HACD1: variants seen among roughly 807,000 people sequenced by gnomAD.
HACD1 encodes 3-hydroxyacyl-CoA dehydratase 1, also known as very-long-chain (3R)-3-hydroxyacyl-CoA dehydratase 1.
A neutral mutation model predicts 32.0 loss-of-function variants in HACD1; 41 were observed. The observed-to-expected ratio is 1.28, with a 90% CI of 1.00 to 1.66. The LOEUF is 1.66. Ranked by LOEUF, HACD1 falls within the 40% of genes most tolerant of loss-of-function variation. HACD1 has a pLI of 0.00. For missense variants in HACD1, 396 were observed against 380.1 expected, an observed-to-expected ratio of 1.04 and a Z score of -0.35; for synonymous variants, 142 against 139.0, an observed-to-expected ratio of 1.02 and a Z score of -0.15.
At chr10:17,616,906 C>T (rs1833094560) in intron 1 of HACD1, among the ~76,000 whole-genome samples, 177 bp downstream of exon 1, 1 of 152,032 alleles carries the variant, frequency 6.6e-6, no homozygotes, top group African/African-American at 2.4e-5. Context: ...GCGCAGGGCC[C>T]GGCCCCCCCG....
chr10:17,603,261 C>T, intron 4 of HACD1: 1 of 240,866 alleles, frequency 4.2e-6, no homozygotes, highest in Non-Finnish European at 8.0e-6. Flanking sequence ...AAAGAAACTT[C>T]TATAGAAAAG....
intron 4 of HACD1, among the ~76,000 whole-genome samples, chr10:17,602,476 T>C (rs1448630763): frequency 6.6e-6 from 1 of 152,210 alleles, no homozygotes; most frequent in East Asian, 1.9e-4. Context: ...GTCTGTCTCC[T>C]GTCATGCCTC....
At position 17,599,191 on chromosome 10, in the gene HACD1, G is replaced by A. The variant is rs889443057; in HGVS notation, c.605+99C>T. The A allele has an allele frequency of 4.0e-5, 61 of 1,526,512 alleles. No individual in the cohort carries two copies. In the East Asian group the frequency reaches 1.3e-3, roughly 33 times the overall value. 94.6% of individuals were successfully genotyped at this position (1,526,512 alleles called of 1,614,324 possible). On this transcript the variant is annotated intron_variant, in intron 5 of 6. Transcript: ENST00000361271. ...TTATACCTCCTATAACAGCATTCTG[G>A]CATCGTGGGGCTGAAACACGAATTT...
At chr10:17,610,632 CAAA>C (rs67149491) in intron 1 of HACD1, among the ~76,000 whole-genome samples, 1 of 128,354 alleles carries the variant, frequency 7.8e-6, no homozygotes, top group African/African-American at 2.8e-5. Context: ...GACTCTGTCT[CAAA>C]AAAAAAAAAA....
intron 6 of HACD1, among the ~76,000 whole-genome samples, 171 bp downstream of exon 6, chr10:17,594,034 C>T (rs1369978368): frequency 6.6e-6 from 1 of 152,142 alleles, no homozygotes; most frequent in Admixed American, 6.5e-5. Context: ...CTGTCTTCTG[C>T]CTCTATCTCC....
At chr10:17,595,838 G>A (rs1833988944) in intron 5 of HACD1, among the ~76,000 whole-genome samples, 1 of 151,900 alleles carries the variant, frequency 6.6e-6, no homozygotes, top group Admixed American at 6.6e-5. Context: ...AAAATTTAAT[G>A]AGCAGACCAC....
intron 1 of HACD1, among the ~76,000 whole-genome samples, chr10:17,614,314 A>G (rs1833037329): frequency 6.6e-6 from 1 of 152,208 alleles, no homozygotes; most frequent in East Asian, 1.9e-4. Context: ...GACAGAGTGC[A>G]GACTGGAGTG....
At chr10:17,597,755 A>G (rs1230813919) in intron 5 of HACD1, among the ~76,000 whole-genome samples, 19 of 152,126 alleles carry the variant, frequency 1.2e-4, no homozygotes, top group Admixed American at 1.2e-3. Flanking sequence ...CAAAACTGCC[A>G]ACCTTTAAAA....
At chr10:17,616,243 A>G (rs56243376) in intron 1 of HACD1, among the ~76,000 whole-genome samples, 109,202 of 151,332 alleles carry the variant, frequency 0.72, 39,769 homozygotes, top group African/African-American at 0.79. Flanking sequence ...CACTCCAGCC[A>G]AGACCGAGCG....
Position 17,617,151 on chromosome 10 carries a change from G to C in HACD1, c.189C>G (p.Gly63=), listed in dbSNP as rs1554818210. The C allele has an allele frequency of 6.6e-7, 1 of 1,505,754 alleles. No homozygotes were observed. The highest frequency in any genetic ancestry group is 2.1e-5 in the Admixed American group (1 of 47,470). The allele number at this position is 1,505,754 out of a possible 1,614,324, so 93.3% of individuals were successfully genotyped here. Residue 63 remains glycine, a synonymous_variant, in exon 1 of 7, where the codon GGC becomes GGG. Transcript: ENST00000361271. The stretch of plus-strand genomic sequence containing the variant: ...CCAAGACCCCCAGGCGCCTCCGCTC[G>C]CCGGGAGCCTCCCGGTCCTCGCCGG... ...SEAGEDREAP[G]ERRRLGVLAT...
chr10:17,598,311 T>A (rs1834023014), intron 5 of HACD1, among the ~76,000 whole-genome samples: 1 of 147,980 alleles, frequency 6.8e-6, no homozygotes, highest in African/African-American at 2.5e-5. Context: ...CAATTAACAG[T>A]GGTTATCCTT....
Position 17,617,262 on chromosome 10 carries a change from G to T in HACD1, c.78C>A (p.Leu26=). The T allele has an allele frequency of 6.8e-7, 1 of 1,474,480 alleles. No individual in the cohort carries two copies. Among genetic ancestry groups the T allele is most frequent in the African/African-American group, 1.5e-5 (1 of 68,226 alleles). 91.3% of individuals were successfully genotyped at this position (1,474,480 alleles called of 1,614,324 possible). ...TGGGGGACGTGGGAGACAGCGGCAG[G>T]AGCGTGGGAGGGGACCCTGCCCAGC... The part of the protein sequence containing the change: ...AAGWAGSPPT[L]LPLSPTSPRC... Residue 26 remains leucine, a synonymous_variant, in exon 1 of 7, where the codon CTC becomes CTA. Coordinates refer to ENST00000361271, the MANE Select transcript of HACD1 (RefSeq NM_014241.4).
intron 1 of HACD1, among the ~76,000 whole-genome samples, chr10:17,615,193 G>A (rs1042409748): frequency 6.6e-6 from 1 of 152,222 alleles, no homozygotes; most frequent in South Asian, 2.1e-4. Flanking sequence ...TATAATTTAG[G>A]AGGAAAGAAA....
chr10:17,599,106 C>G, intron 5 of HACD1, 184 bp downstream of exon 5: 5 of 1,086,962 alleles, frequency 4.6e-6, no homozygotes, highest in African/African-American at 1.6e-5. Flanking sequence ...TACGATTCCT[C>G]TCTCATCATT....
chr10:17,616,291 G>GA (rs1554818070), intron 1 of HACD1, among the ~76,000 whole-genome samples: 1 of 151,864 alleles, frequency 6.6e-6, no homozygotes, highest in South Asian at 2.1e-4. Flanking sequence ...ATAATAAAAA[G>GA]AAAAAAAGAA....
rs147852718 is a variant in HACD1 at position 17,605,389 on chromosome 10, G to A, written c.258-1342C>T. Among the ~76,000 whole-genome samples the A allele has an allele frequency of 3.3e-3, 500 of 151,854 alleles. 2 individuals are homozygous for A. Among genetic ancestry groups the A allele is most frequent in the African/African-American group, 0.012 (483 of 41,430 alleles). On this transcript the variant is annotated intron_variant, in intron 1 of 6. Coordinates refer to ENST00000361271, the MANE Select transcript of HACD1 (RefSeq NM_014241.4). ...AAAATACGAAAATTAGCCAAGCATGGTGGCGCACACCTGTAGTCCCAGCTA... is the reference window on the plus strand; with the variant it reads ...AAAATACGAAAATTAGCCAAGCATGATGGCGCACACCTGTAGTCCCAGCTA...
At chr10:17,613,447 T>C (rs1306175130) in intron 1 of HACD1, among the ~76,000 whole-genome samples, 1 of 152,176 alleles carries the variant, frequency 6.6e-6, no homozygotes, top group Non-Finnish European at 1.5e-5. Flanking sequence ...TTTACCACTA[T>C]TCCCCAACAG....
intron 1 of HACD1, among the ~76,000 whole-genome samples, chr10:17,610,009 G>C (rs937625517): frequency 6.8e-6 from 1 of 147,256 alleles, no homozygotes; most frequent in Admixed American, 6.8e-5. Flanking sequence ...AAGAACGAAA[G>C]AAATTAAACA....
At chr10:17,609,460 G>A (rs950305404) in intron 1 of HACD1, among the ~76,000 whole-genome samples, 3 of 151,952 alleles carry the variant, frequency 2.0e-5, no homozygotes, top group African/African-American at 7.2e-5. Flanking sequence ...GCTAAAAATG[G>A]GCAAAAGATT....
Sources: gnomAD v4.1 joint callset for allele counts (sites outside exome capture counted in the v4.1 genomes callset) on GRCh38, gnomAD v4.1.1 for gene constraint, MANE v1.5 for transcripts, NCBI Gene and HGNC (gene_info 2026-07-23, HGNC 2026-07-21) for gene names.